The following SRGAP3 variants were observed in gnomAD, a reference collection of about 807,000 sequenced individuals.
SRGAP3 encodes SLIT-ROBO Rho GTPase-activating protein 3.
SRGAP3 carries 39 observed loss-of-function variants against 121.1 expected under a neutral mutation model. The ratio of observed to expected loss-of-function variants is 0.32; its 90% CI spans 0.25 to 0.42. SRGAP3 has a LOEUF of 0.42. Among genes scored for constraint, SRGAP3 ranks in the 10% least tolerant of loss-of-function variants. The pLI, the probability that SRGAP3 is intolerant of heterozygous loss-of-function variation, is 1.00. For missense variants in SRGAP3, 1,213 were observed against 1,470.6 expected (o/e 0.82, Z 2.86); for synonymous variants, 601 against 570.0 (o/e 1.05, Z -0.77).
rs71049766 is a variant in SRGAP3 at position 9,051,017 on chromosome 3, C to CT, written c.1323+2009dup. On this transcript the variant is annotated intron_variant, in intron 9 of 21. Transcript: ENST00000383836. The stretch of plus-strand genomic sequence containing the variant: ...AATCCAATCAATATTAGCCTCATTG[C>CT]TTTTTTTTTTTTTTTTTTTTTTTTT... Among the ~76,000 whole-genome samples, 330 of 81,852 alleles carry CT rather than the reference C, an allele frequency of 4.0e-3. 47 individuals are homozygous for CT. The highest frequency in any genetic ancestry group is 5.4e-3 in the Non-Finnish European group (229 of 42,434). The allele number at this position is 81,852 out of a possible 152,430, so 53.7% of individuals were successfully genotyped here. A position where few individuals can be genotyped will look rare whatever the true frequency, so the allele number is the denominator to read the frequency against.
intron 1 of SRGAP3, among the ~76,000 whole-genome samples, chr3:9,188,951 G>C (rs932836935): frequency 9.2e-5 from 14 of 152,226 alleles, no homozygotes; most frequent in Non-Finnish European, 1.8e-4. Context: ...TTCCTAAGCA[G>C]AGCACTGGAT....
At position 9,058,481 on chromosome 3, in the gene SRGAP3, G is replaced by A; in HGVS notation, c.802-9C>T. ...AAGCCCAAATCACAGCACTTGGGGA[G>A]AGGCAACAACGGAAGGTTATGGGTG... On this transcript the variant is annotated splice_polypyrimidine_tract_variant and intron_variant, in intron 6 of 21. Transcript: ENST00000383836. 1 of 1,613,468 alleles carries A rather than the reference G, an allele frequency of 6.2e-7. No homozygotes were observed. Among genetic ancestry groups the A allele is most frequent in the South Asian group, 1.1e-5 (1 of 91,054 alleles).
rs1941597795 is a variant in SRGAP3 at position 8,984,938 on chromosome 3, C to A, written c.*581G>T. 8.7e-6 allele frequency: 2 copies of A among 229,016 alleles called. No homozygotes were observed. Among genetic ancestry groups the A allele is most frequent in the Non-Finnish European group, 1.7e-5 (2 of 115,240 alleles). The allele number at this position is 229,016 out of a possible 1,614,324, so 14.2% of individuals were successfully genotyped here. On this transcript the variant is annotated 3_prime_UTR_variant, in exon 22 of 22. Coordinates refer to ENST00000383836, the MANE Select transcript of SRGAP3 (RefSeq NM_014850.4). ...GTTACTATGGGCCTTTAAGTTCTCC[C>A]AGAAAAGTCCCTGCAAATCCCACCA...
chr3:9,310,723 G>A (rs141456364), intron 3 of SRGAP3, among the ~76,000 whole-genome samples: 1 of 152,260 alleles, frequency 6.6e-6, no homozygotes, highest in Non-Finnish European at 1.5e-5. Context: ...ATCAAACTAG[G>A]TCTTTAGGGA....
intron 3 of SRGAP3, among the ~76,000 whole-genome samples, chr3:9,296,154 C>T (rs1329128632): frequency 6.6e-6 from 1 of 152,146 alleles, no homozygotes; most frequent in Non-Finnish European, 1.5e-5. Context: ...TGTGTACATA[C>T]CCAGAAGTCA....
At chr3:8,999,542 C>T (rs116756278) in intron 18 of SRGAP3, among the ~76,000 whole-genome samples, 104 of 152,318 alleles carry the variant, frequency 6.8e-4, no homozygotes, top group African/African-American at 2.4e-3. Context: ...CCTCTGCCTA[C>T]CCCACCCCCT....
chr3:9,010,636 C>T (rs1018641508), intron 17 of SRGAP3, among the ~76,000 whole-genome samples: 1 of 152,214 alleles, frequency 6.6e-6, no homozygotes, highest in African/African-American at 2.4e-5. Context: ...ATTTGCTGAG[C>T]TGTCTTCTTG....
intron 14 of SRGAP3, among the ~76,000 whole-genome samples, chr3:9,020,742 G>T (rs1430552985): frequency 6.6e-6 from 1 of 152,232 alleles, no homozygotes; most frequent in Non-Finnish European, 1.5e-5. Flanking sequence ...TTGGCTCTGA[G>T]AATGGAATCC....
chr3:9,294,982 C>T (rs1222891351), intron 3 of SRGAP3, among the ~76,000 whole-genome samples: 30 of 152,044 alleles, frequency 2.0e-4, no homozygotes, highest in Admixed American at 2.0e-3. Context: ...AATAGTTCCA[C>T]GAAGGAAACT....
chr3:9,087,639 A>G (rs938624759), intron 3 of SRGAP3, among the ~76,000 whole-genome samples: 3 of 152,190 alleles, frequency 2.0e-5, no homozygotes, highest in Non-Finnish European at 4.4e-5. Context: ...TCATGAAGAG[A>G]GAAGCTCGGC....
intron 4 of SRGAP3, among the ~76,000 whole-genome samples, chr3:9,071,340 G>A (rs1543144): frequency 0.32 from 49,200 of 151,996 alleles, 9,112 homozygotes; most frequent in Middle Eastern, 0.46. Context: ...GTTCATGGGA[G>A]TTTGACATCA....
At chr3:9,230,150 A>C (rs971527481) in intron 1 of SRGAP3, among the ~76,000 whole-genome samples, 2 of 152,206 alleles carry the variant, frequency 1.3e-5, no homozygotes, top group African/African-American at 4.8e-5. Flanking sequence ...GCACTGTGCT[A>C]AGGGTTTTAC....
intron 10 of SRGAP3, among the ~76,000 whole-genome samples, chr3:9,040,358 T>C (rs1244207107): frequency 6.6e-6 from 1 of 152,160 alleles, no homozygotes; most frequent in Non-Finnish European, 1.5e-5. Flanking sequence ...CTCAGGCTGC[T>C]TTCTCCTTTG....
At chr3:9,278,332 G>A (rs1358142821) in intron 3 of SRGAP3, among the ~76,000 whole-genome samples, 2 of 152,154 alleles carry the variant, frequency 1.3e-5, no homozygotes, top group Non-Finnish European at 2.9e-5. Flanking sequence ...CACCAGCTGA[G>A]GCAATTACTC....
At chr3:8,997,079 G>A (rs1406227603) in intron 18 of SRGAP3, among the ~76,000 whole-genome samples, 1 of 152,190 alleles carries the variant, frequency 6.6e-6, no homozygotes, top group Non-Finnish European at 1.5e-5. Flanking sequence ...TGCAGACGTC[G>A]TTACATAAGT....
intron 3 of SRGAP3, among the ~76,000 whole-genome samples, chr3:9,266,061 T>C (rs951944250): frequency 1.3e-5 from 2 of 152,220 alleles, no homozygotes; most frequent in African/African-American, 2.4e-5. Flanking sequence ...AATGAGTTCA[T>C]GTCCTTTGCA....
At chr3:9,348,930 C>T (rs2029900048) in intron 1 of SRGAP3, 2 of 983,960 alleles carry the variant, frequency 2.0e-6, no homozygotes, top group Non-Finnish European at 1.6e-6. Context: ...AAGGCTCTGC[C>T]CTTTTGGAAT....
chr3:9,073,879 G>A (rs1024440574), intron 4 of SRGAP3, among the ~76,000 whole-genome samples: 3 of 152,148 alleles, frequency 2.0e-5, no homozygotes, highest in African/African-American at 7.2e-5. Flanking sequence ...ATGGCTAAAA[G>A]GTCTCTGGAA....
intron 3 of SRGAP3, among the ~76,000 whole-genome samples, chr3:9,300,073 T>G (rs1955026042): frequency 6.7e-6 from 1 of 148,320 alleles, no homozygotes; most frequent in Non-Finnish European, 1.5e-5. Context: ...CCATGAAAAT[T>G]AAGAGATAAT....
Sources: gnomAD v4.1 joint callset for allele counts (sites outside exome capture counted in the v4.1 genomes callset) on GRCh38, gnomAD v4.1.1 for gene constraint, MANE v1.5 for transcripts, NCBI Gene and HGNC (gene_info 2026-07-23, HGNC 2026-07-21) for gene names.